Variants in UNC45A observed in about 807,000 individuals in gnomAD.
UNC45A encodes unc-45 myosin chaperone A, also known as protein unc-45 homolog A.
UNC45A carries 78 observed loss-of-function variants against 103.2 expected under a neutral mutation model. The ratio of observed to expected loss-of-function variants is 0.76; its 90% confidence interval spans 0.63 to 0.91. The LOEUF (loss-of-function observed/expected upper bound fraction) is 0.91. Ranked by LOEUF, UNC45A falls within the 40% of genes least tolerant of loss-of-function variation. The pLI, the probability that UNC45A is intolerant of heterozygous loss-of-function variation, is 0.00. For synonymous variants in UNC45A, 495 were observed against 504.6 expected (o/e 0.98, Z 0.25); for missense variants, 1,193 against 1,224.8 (o/e 0.97, Z 0.39).
intron 3 of UNC45A, 98 bp from the exon 4 acceptor site, chr15:90,936,187 C>G (rs1435956755): frequency 3.3e-6 from 5 of 1,534,842 alleles, no homozygotes; most frequent in East Asian, 2.3e-5. Flanking sequence ...ATTCGTCCCC[C>G]CCACCTTCTT....
chr15:90,946,271 A>G (rs1056652873), intron 9 of UNC45A, among the ~76,000 whole-genome samples: 6 of 148,776 alleles, frequency 4.0e-5, no homozygotes, highest in South Asian at 2.1e-4. Context: ...AAAAAAAAAA[A>G]GAAAGAAAAA....
At chr15:90,947,184 C>CT in intron 10 of UNC45A, 1 of 459,218 alleles carries the variant, frequency 2.2e-6, no homozygotes, top group African/African-American at 1.9e-5. Flanking sequence ...AAGACCCTCT[C>CT]TAAAATAAAT....
At chr15:90,940,056 G>C (rs2036211055) in intron 5 of UNC45A, among the ~76,000 whole-genome samples, 1 of 152,236 alleles carries the variant, frequency 6.6e-6, no homozygotes, top group Admixed American at 6.5e-5. Context: ...GGTGTACAGA[G>C]GTAACTGAGG....
chr15:90,949,985 AGCCC>A lies in UNC45A; in HGVS notation c.2074-168_2074-165del, dbSNP rs1596239957. On this transcript the variant is annotated intron_variant, in intron 15 of 19. Transcript: ENST00000418476. ...CTGGTGCTCAGCACAATCCATGTCC[AGCCC>A]TTATTAGGTGTTTCAGGAAGTGTTT... The A allele has an allele frequency of 1.3e-5, 9 of 694,908 alleles. No individual in the cohort carries two copies. In the East Asian group the frequency reaches 2.4e-4, roughly 19 times the overall value. 43.0% of individuals were successfully genotyped at this position (694,908 alleles called of 1,614,324 possible).
At chr15:90,946,022 G>C (rs1256481147) in intron 9 of UNC45A, among the ~76,000 whole-genome samples, 5 of 151,092 alleles carry the variant, frequency 3.3e-5, no homozygotes, top group Admixed American at 6.6e-5. Flanking sequence ...GGTGGAGGCA[G>C]GTGGGTGATC....
At chr15:90,939,429 G>A (rs998051770) in intron 4 of UNC45A, among the ~76,000 whole-genome samples, 26 of 152,366 alleles carry the variant, frequency 1.7e-4, no homozygotes, top group African/African-American at 6.0e-4. Context: ...AATGTAGATG[G>A]CACCACTGGG....
Position 90,949,224 on chromosome 15 carries a change from A to C in UNC45A, c.1879-92A>C, listed in dbSNP as rs190425568. ...TTGTTTCCTTTTGTCTGGCTGTTTT[A>C]TTTCCCAGTTCCTCAATTACTGCTG... is the stretch of plus-strand genomic sequence containing the variant. On this transcript the variant is annotated intron_variant, in intron 13 of 19. Coordinates refer to ENST00000418476, the MANE Select transcript of UNC45A (RefSeq NM_018671.5). The C allele has an allele frequency of 3.3e-6, 5 of 1,506,708 alleles. No individual in the cohort carries two copies. In the Middle Eastern group the frequency reaches 7.1e-4, roughly 214 times the overall value. 93.3% of individuals were successfully genotyped at this position (1,506,708 alleles called of 1,614,324 possible).
chr15:90,936,177 A>C, intron 3 of UNC45A, 108 bp from the exon 4 acceptor site: 1 of 1,526,412 alleles, frequency 6.6e-7, no homozygotes, highest in Non-Finnish European at 8.8e-7. Flanking sequence ...CGAGCCCCAC[A>C]TTCGTCCCCC....
chr15:90,931,863 G>A, upstream of UNC45A: 1 of 1,614,058 alleles, frequency 6.2e-7, no homozygotes, highest in East Asian at 2.2e-5. Context: ...TCCACCAGGC[G>A]CCGCACTTGT....
chr15:90,932,809 G>C (rs2035851754), upstream of UNC45A: 3 of 371,896 alleles, frequency 8.1e-6, no homozygotes, highest in Middle Eastern at 6.9e-4. Flanking sequence ...CCCACAGTCT[G>C]TGGAAAAGAG....
chr15:90,946,525 C>A, intron 9 of UNC45A, 89 bp from the exon 10 acceptor site: 1 of 1,410,002 alleles, frequency 7.1e-7, no homozygotes, highest in Non-Finnish European at 9.4e-7. Context: ...CCAAGTAGTG[C>A]AGGTGCCTGG....
At chr15:90,933,680 G>T, upstream of UNC45A, 1 of 164,702 alleles carries the variant, frequency 6.1e-6, no homozygotes, top group Non-Finnish European at 1.3e-5. Context: ...AATTCCCAGA[G>T]CTTCCATGGC....
At chr15:90,950,475 C>G in intron 16 of UNC45A, 25 bp from the exon 17 acceptor site, 1 of 1,611,506 alleles carries the variant, frequency 6.2e-7, no homozygotes, top group Non-Finnish European at 8.5e-7. Context: ...GCAAGTACCC[C>G]TGACAGGTGG....
Position 90,935,527 on chromosome 15 carries a change from C to T in UNC45A, c.52-17C>T, listed in dbSNP as rs1227942071. 2 of 1,581,564 alleles carry T rather than the reference C, an allele frequency of 1.3e-6. No homozygotes were observed. The highest frequency in any genetic ancestry group is 3.6e-5 in the Admixed American group (2 of 55,428). ...CCCGAACCCCCTCCGACGTTTCCGC[C>T]CCCTTTCTCTCTACAGGCCAGCTCA... On this transcript the variant is annotated splice_polypyrimidine_tract_variant and intron_variant, in intron 1 of 19. Coordinates refer to ENST00000418476, the MANE Select transcript of UNC45A (RefSeq NM_018671.5).
intron 9 of UNC45A, among the ~76,000 whole-genome samples, 178 bp from the exon 10 acceptor site, chr15:90,946,436 T>C (rs1426968667): frequency 6.6e-6 from 1 of 152,096 alleles, no homozygotes; most frequent in Non-Finnish European, 1.5e-5. Flanking sequence ...TGAGTGAAAG[T>C]CGATAAAGAA....
intron 18 of UNC45A, 32 bp downstream of exon 18, chr15:90,953,078 G>A (rs746105013): frequency 1.9e-5 from 30 of 1,613,192 alleles, no homozygotes; most frequent in East Asian, 8.9e-5. Flanking sequence ...CATGACAGGC[G>A]GGGATGCAGA....
In UNC45A at chr15:90,948,016, C is replaced by T. The variant is rs2036665016; in HGVS notation, c.1595+126C>T. 6 of 1,520,238 alleles carry T rather than the reference C, an allele frequency of 3.9e-6. No individual in the cohort carries two copies. The East Asian group carries it at 1.1e-4, about 29-fold the overall frequency. The allele number at this position is 1,520,238 out of a possible 1,614,324, so 94.2% of individuals were successfully genotyped here. A position where few individuals can be genotyped will look rare whatever the true frequency, so the allele number is the denominator to read the frequency against. On this transcript the variant is annotated intron_variant, in intron 11 of 19. Coordinates refer to ENST00000418476, the MANE Select transcript of UNC45A (RefSeq NM_018671.5). ...CTCAGGCAGGGGCTGCAGTCTGGAT[C>T]CTGGTACGTGAACTGCTTCTGTACA...
chr15:90,947,640 C>T, intron 10 of UNC45A, 156 bp from the exon 11 acceptor site: 1 of 616,330 alleles, frequency 1.6e-6, no homozygotes. Context: ...GCCACATGCT[C>T]TAGGTGGTGG....
intron 17 of UNC45A, 78 bp from the exon 18 acceptor site, chr15:90,952,851 G>A (rs2036993220): frequency 7.3e-7 from 1 of 1,373,308 alleles, no homozygotes; most frequent in Non-Finnish European, 1.0e-6. Context: ...CCAACATTGG[G>A]GATTATAGTT....
Sources: gnomAD v4.1 joint callset for allele counts (sites outside exome capture counted in the v4.1 genomes callset) on GRCh38, gnomAD v4.1.1 for gene constraint, MANE v1.5 for transcripts, NCBI Gene and HGNC (gene_info 2026-07-23, HGNC 2026-07-21) for gene names.